ITGBL1: variants seen among roughly 807,000 people sequenced by gnomAD.
The protein encoded by ITGBL1 is integrin subunit beta like 1, also known as integrin beta-like protein 1.
In ITGBL1, 51 loss-of-function variants were observed where a neutral mutation model predicts 68.5. That is an observed-to-expected ratio of 0.74 (90% confidence interval 0.59 to 0.94). The LOEUF (loss-of-function observed/expected upper bound fraction) is 0.94, where lower values mean the gene tolerates loss of function less well. ITGBL1 is among the 40% of genes least tolerant of loss of function. The probability of loss-of-function intolerance (pLI) is 0.00; values close to 1 mark genes in which losing one functional copy is unlikely to be tolerated. For missense variants in ITGBL1, 649 were observed against 647.4 expected (o/e 1.00, Z -0.03); for synonymous variants, 209 against 227.3 (o/e 0.92, Z 0.72).
chr13:101,668,756 A>G (rs573633112), intron 7 of ITGBL1, among the ~76,000 whole-genome samples: 24 of 152,306 alleles, frequency 1.6e-4, no homozygotes, highest in Admixed American at 7.8e-4. Flanking sequence ...TTTTGAATTA[A>G]GTAATATTCA....
chr13:101,514,015 A>T (rs1405278330), intron 2 of ITGBL1, among the ~76,000 whole-genome samples: 1 of 152,100 alleles, frequency 6.6e-6, no homozygotes, highest in African/African-American at 2.4e-5. Flanking sequence ...CCCTAAATTT[A>T]ATATCTTTTG....
chr13:101,571,950 A>G (rs2050280447), intron 3 of ITGBL1, among the ~76,000 whole-genome samples: 2 of 152,198 alleles, frequency 1.3e-5, no homozygotes, highest in South Asian at 4.1e-4. Context: ...ATTGTAAATA[A>G]TAGTGCACAG....
chr13:101,681,494 A>G lies in ITGBL1; in HGVS notation c.1016-11091A>G, dbSNP rs372779855. Among the ~76,000 whole-genome samples, 11 of 152,142 alleles carry G rather than the reference A, an allele frequency of 7.2e-5. No homozygotes were observed. In the South Asian group the frequency reaches 1.0e-3, roughly 14 times the overall value. ...CCTGAATAAATAATGACTTTCCTGA[A>G]TTAGTTATCTGAGGACTCTCTTGAT... On this transcript the variant is annotated intron_variant, in intron 7 of 10. Coordinates refer to ENST00000376180, the MANE Select transcript of ITGBL1 (RefSeq NM_004791.3).
chr13:101,518,620 GA>G (rs890684536), intron 2 of ITGBL1, among the ~76,000 whole-genome samples: 3 of 152,170 alleles, frequency 2.0e-5, no homozygotes, highest in African/African-American at 7.2e-5. Flanking sequence ...CACCATTACT[GA>G]GGATATCATT....
chr13:101,709,860 A>G (rs1346505126), intron 9 of ITGBL1, among the ~76,000 whole-genome samples: 4 of 152,240 alleles, frequency 2.6e-5, no homozygotes, highest in Non-Finnish European at 5.9e-5. Flanking sequence ...AACAAATAGC[A>G]GTCTTCCATT....
chr13:101,545,238 G>T (rs796181005), intron 2 of ITGBL1, among the ~76,000 whole-genome samples: 14 of 152,200 alleles, frequency 9.2e-5, no homozygotes, highest in African/African-American at 3.1e-4. Flanking sequence ...ATGAGCTGGC[G>T]GTGTTTTGGA....
intron 7 of ITGBL1, among the ~76,000 whole-genome samples, chr13:101,604,879 T>TACACACACACACAC (rs1307529776): frequency 3.8e-4 from 5 of 13,314 alleles, no homozygotes; most frequent in Non-Finnish European, 9.0e-4. Context: ...TATATATATA[T>TACACACACACACAC]ATATATATAC....
chr13:101,579,382 A>C lies in ITGBL1; in HGVS notation c.682A>C (p.Lys228Gln). 2 of 1,613,946 alleles carry C rather than the reference A, an allele frequency of 1.2e-6. No individual in the cohort carries two copies. The highest frequency in any genetic ancestry group is 1.7e-6 in the Non-Finnish European group (2 of 1,179,892). Residue 228 changes from lysine to glutamine, a missense_variant, in exon 5 of 11, where the codon AAG becomes CAG. Physicochemically the swap from Lys to Gln is moderately conservative, Grantham distance 53. Coordinates refer to ENST00000376180, the MANE Select transcript of ITGBL1 (RefSeq NM_004791.3). ...FQCDITPWES[K>Q]RRCTSPDGKI... ...GTGCGATATCACCCCCTGGGAAAGCAAGCGAAGATGCACGTCTCCAGATGG... is the reference window on the plus strand; with the variant it reads ...GTGCGATATCACCCCCTGGGAAAGCCAGCGAAGATGCACGTCTCCAGATGG...
At chr13:101,520,329 T>C (rs1462745026) in intron 2 of ITGBL1, among the ~76,000 whole-genome samples, 1 of 152,232 alleles carries the variant, frequency 6.6e-6, no homozygotes, top group East Asian at 1.9e-4. Flanking sequence ...TTGCATCTCT[T>C]TTTTTAACCA....
intron 7 of ITGBL1, among the ~76,000 whole-genome samples, chr13:101,621,711 A>G (rs1050073757): frequency 3.9e-5 from 6 of 152,168 alleles, no homozygotes; most frequent in Admixed American, 6.6e-5. Context: ...ACAAAAAGAA[A>G]GCTTTTTCAA....
intron 7 of ITGBL1, among the ~76,000 whole-genome samples, chr13:101,603,156 G>A (rs146320597): frequency 1.3e-5 from 2 of 152,054 alleles, no homozygotes; most frequent in East Asian, 1.9e-4. Context: ...GCACAGGACC[G>A]TCTTCAAAAT....
intron 8 of ITGBL1, among the ~76,000 whole-genome samples, chr13:101,696,622 T>TTCCTCTAG (rs2034008833): frequency 6.6e-6 from 1 of 152,184 alleles, no homozygotes; most frequent in Non-Finnish European, 1.5e-5. Flanking sequence ...GAAGCCTCTC[T>TTCCTCTAG]GAAATGATGT....
chr13:101,634,020 T>G (rs181997341), intron 7 of ITGBL1, among the ~76,000 whole-genome samples: 1 of 152,152 alleles, frequency 6.6e-6, no homozygotes, highest in Non-Finnish European at 1.5e-5. Flanking sequence ...TGTACAAATA[T>G]AATGAGAAAA....
intron 7 of ITGBL1, among the ~76,000 whole-genome samples, chr13:101,637,592 C>G (rs887027397): frequency 6.6e-6 from 1 of 152,158 alleles, no homozygotes; most frequent in African/African-American, 2.4e-5. Flanking sequence ...ATTCACCCGC[C>G]TTGGCCTCCC....
At chr13:101,707,467 A>G (rs2034287150) in intron 9 of ITGBL1, among the ~76,000 whole-genome samples, 1 of 152,192 alleles carries the variant, frequency 6.6e-6, no homozygotes, top group Admixed American at 6.5e-5. Flanking sequence ...GTAGTATCCC[A>G]CAAGTCTGAT....
chr13:101,600,199 A>G (rs113532443), intron 7 of ITGBL1, among the ~76,000 whole-genome samples: 22 of 151,740 alleles, frequency 1.4e-4, no homozygotes, highest in Non-Finnish European at 2.4e-4. Flanking sequence ...CTTTGAAGCA[A>G]TTGTGAATGG....
chr13:101,595,981 T>C (rs1280768481), intron 6 of ITGBL1, among the ~76,000 whole-genome samples: 2 of 152,156 alleles, frequency 1.3e-5, no homozygotes, highest in African/African-American at 4.8e-5. Flanking sequence ...ATGTGAGATA[T>C]ATATCTATAT....
At chr13:101,579,082 C>T (rs1255322669) in intron 4 of ITGBL1, among the ~76,000 whole-genome samples, 4 of 152,136 alleles carry the variant, frequency 2.6e-5, no homozygotes, top group Non-Finnish European at 5.9e-5. Flanking sequence ...TTAAAGGACA[C>T]TTTGCTCTTT....
At chr13:101,477,497 A>C (rs1395370608) in intron 2 of ITGBL1, among the ~76,000 whole-genome samples, 1 of 152,042 alleles carries the variant, frequency 6.6e-6, no homozygotes, top group Non-Finnish European at 1.5e-5. Context: ...AGCCGAAATA[A>C]ATGAGATCAA....
Sources: gnomAD v4.1 joint callset for allele counts (sites outside exome capture counted in the v4.1 genomes callset) on GRCh38, gnomAD v4.1.1 for gene constraint, MANE v1.5 for transcripts, NCBI Gene and HGNC (gene_info 2026-07-23, HGNC 2026-07-21) for gene names.